CERS6: variants seen among roughly 807,000 people sequenced by gnomAD.
CERS6 encodes the protein ceramide synthase 6, also known as LAG1 homolog, ceramide synthase 6.
A neutral mutation model predicts 56.8 loss-of-function variants in CERS6; 26 were observed. That is an observed-to-expected ratio of 0.46 (90% CI 0.34 to 0.63). The LOEUF (loss-of-function observed/expected upper bound fraction) is 0.63, where lower values mean the gene tolerates loss of function less well. CERS6 is among the 30% of genes least tolerant of loss of function. The probability of loss-of-function intolerance (pLI) is 0.01; values close to 1 mark genes in which losing one functional copy is unlikely to be tolerated. For synonymous variants in CERS6, 164 were observed against 173.3 expected, an observed-to-expected ratio of 0.95 and a Z score of 0.42; for missense variants, 415 against 467.5, an observed-to-expected ratio of 0.89 and a Z score of 1.04.
intron 4 of CERS6, among the ~76,000 whole-genome samples, chr2:168,631,545 T>TTA (rs1559028149): frequency 2.7e-5 from 2 of 73,260 alleles, no homozygotes; most frequent in South Asian, 1.1e-3. Context: ...TTAAATATAT[T>TTA]ATATTTTTAA....
chr2:168,664,837 C>A (rs1468415157), intron 4 of CERS6, among the ~76,000 whole-genome samples: 1 of 152,130 alleles, frequency 6.6e-6, no homozygotes, highest in African/African-American at 2.4e-5. Context: ...ACTTAGAATG[C>A]CTTAACCGTC....
intron 8 of CERS6, among the ~76,000 whole-genome samples, chr2:168,760,732 C>CTGTT (rs202009989): frequency 1.4e-4 from 21 of 146,926 alleles, no homozygotes; most frequent in African/African-American, 3.7e-4. Flanking sequence ...CCTGGGTTTA[C>CTGTT]TGTTTGTTTA....
rs1200437238 is a variant in CERS6, at chr2:168,738,932, C to G, written c.845+20954C>G. On this transcript the variant is annotated intron_variant, in intron 8 of 9. Transcript: ENST00000305747. ...GACAGAGTCTCACTCTGTTGCCAGG[C>G]TGGAGTGCAGCGGCACTATCTCGGC... Among the ~76,000 whole-genome samples, 3 of 151,968 alleles carry G rather than the reference C, an allele frequency of 2.0e-5. No homozygotes were observed. In the East Asian group the frequency reaches 5.8e-4, roughly 29 times the overall value.
At chr2:168,556,500 T>TA (rs1172101990) in intron 2 of CERS6, among the ~76,000 whole-genome samples, 1 of 152,178 alleles carries the variant, frequency 6.6e-6, no homozygotes, top group African/African-American at 2.4e-5. Flanking sequence ...ACTTGCCCCT[T>TA]ACTTTCTATA....
intron 4 of CERS6, among the ~76,000 whole-genome samples, chr2:168,671,245 A>G (rs1052575774): frequency 8.6e-5 from 13 of 152,018 alleles, no homozygotes; most frequent in Admixed American, 7.2e-4. Context: ...GATTACAGAC[A>G]TGAGCCGCTG....
chr2:168,576,480 C>T (rs1051732889), intron 3 of CERS6, among the ~76,000 whole-genome samples: 3 of 152,174 alleles, frequency 2.0e-5, no homozygotes, highest in African/African-American at 7.2e-5. Context: ...GACAAATTCT[C>T]CCCATTATCT....
intron 9 of CERS6, 99 bp from the exon 10 acceptor site, chr2:168,769,411 G>A: frequency 9.3e-7 from 1 of 1,075,988 alleles, no homozygotes; most frequent in Non-Finnish European, 1.3e-6. Flanking sequence ...TTAACATTGG[G>A]ATCTGTTTCC....
intron 2 of CERS6, among the ~76,000 whole-genome samples, chr2:168,549,503 C>T (rs1369429619): frequency 6.6e-6 from 1 of 152,034 alleles, no homozygotes; most frequent in African/African-American, 2.4e-5. Flanking sequence ...GGCGTGGTGG[C>T]GGGTGCCTGT....
chr2:168,647,175 T>C (rs190875884), intron 4 of CERS6, among the ~76,000 whole-genome samples: 1 of 152,306 alleles, frequency 6.6e-6, no homozygotes, highest in East Asian at 1.9e-4. Flanking sequence ...CATAGGGTGT[T>C]TTGTTGTTTG....
At chr2:168,566,987 G>A (rs565745749) in intron 3 of CERS6, among the ~76,000 whole-genome samples, 55 of 152,206 alleles carry the variant, frequency 3.6e-4, no homozygotes, top group African/African-American at 1.3e-3. Context: ...TTGAAGGGGG[G>A]AATAAGAAAC....
At chr2:168,759,766 CTG>C (rs1295214072) in intron 8 of CERS6, among the ~76,000 whole-genome samples, 1 of 152,130 alleles carries the variant, frequency 6.6e-6, no homozygotes, top group Admixed American at 6.5e-5. Context: ...CAGTTTACAA[CTG>C]TTTTTGTGAA....
At chr2:168,754,002 C>T (rs1473432613) in intron 8 of CERS6, among the ~76,000 whole-genome samples, 3 of 152,066 alleles carry the variant, frequency 2.0e-5, no homozygotes, top group East Asian at 1.9e-4. Flanking sequence ...TGGCTTGATG[C>T]GGGGGCGGGG....
chr2:168,523,099 G>A (rs1695010834), intron 1 of CERS6, among the ~76,000 whole-genome samples: 1 of 152,176 alleles, frequency 6.6e-6, no homozygotes, highest in South Asian at 2.1e-4. Flanking sequence ...GAAGCATGTA[G>A]GTCAGTTGTT....
At chr2:168,555,919 T>TG (rs1446270973) in intron 2 of CERS6, among the ~76,000 whole-genome samples, 2 of 152,108 alleles carry the variant, frequency 1.3e-5, no homozygotes, top group Non-Finnish European at 2.9e-5. Context: ...TTTAAAGGTA[T>TG]GAAGGCCTAA....
At chr2:168,647,167 T>C (rs1322897197) in intron 4 of CERS6, among the ~76,000 whole-genome samples, 2 of 152,208 alleles carry the variant, frequency 1.3e-5, no homozygotes, top group Admixed American at 6.5e-5. Context: ...TCCATGAACA[T>C]AGGGTGTTTT....
chr2:168,730,609 A>G (rs552698054), intron 8 of CERS6, among the ~76,000 whole-genome samples: 13 of 152,204 alleles, frequency 8.5e-5, no homozygotes, highest in Non-Finnish European at 1.8e-4. Flanking sequence ...TGGATTTCTC[A>G]TCAGGCTTAC....
intron 4 of CERS6, among the ~76,000 whole-genome samples, chr2:168,640,762 A>G (rs1395976136): frequency 2.0e-5 from 3 of 152,202 alleles, no homozygotes; most frequent in Non-Finnish European, 4.4e-5. Flanking sequence ...CATTAAGGAG[A>G]TGGGACATTT....
Position 168,670,966 on chromosome 2 carries a change from T to TTCCC in CERS6, c.466-20068_466-20067insTCCC, listed in dbSNP as rs1685893976. Among the ~76,000 whole-genome samples, 31 of 30,518 alleles carry TTCCC rather than the reference T, an allele frequency of 1.0e-3. 1 individual carries two copies. The highest frequency in any genetic ancestry group is 2.6e-3 in the Non-Finnish European group (20 of 7,782). 20.0% of individuals were successfully genotyped at this position (30,518 alleles called of 152,430 possible). A position where few individuals can be genotyped will look rare whatever the true frequency, so the allele number is the denominator to read the frequency against. ...ACAGAGCAGGTGCTGGATACATGCT[T>TTCCC]CCCCCCCCCCCCCCAGACGGAAGCT... On this transcript the variant is annotated intron_variant, in intron 4 of 9. Coordinates refer to ENST00000305747, the MANE Select transcript of CERS6 (RefSeq NM_203463.3).
chr2:168,773,677 A>C lies in CERS6; in HGVS notation c.*4015A>C, dbSNP rs753430116. The C allele has an allele frequency of 6.6e-6, 1 of 152,224 alleles. No individual in the cohort carries two copies. Among genetic ancestry groups the C allele is most frequent in the Non-Finnish European group, 1.5e-5 (1 of 68,040 alleles). The allele number at this position is 152,224 out of a possible 1,614,324, so 9.4% of individuals were successfully genotyped here. ...AGCCGCCCTTGAAGAAAACGCAGCA[A>C]AATATTTTAAAATGAAGATATTGCA... On this transcript the variant is annotated 3_prime_UTR_variant, in exon 10 of 10. Transcript: ENST00000305747.
Sources: gnomAD v4.1 joint callset for allele counts (sites outside exome capture counted in the v4.1 genomes callset) on GRCh38, gnomAD v4.1.1 for gene constraint, MANE v1.5 for transcripts, NCBI Gene and HGNC (gene_info 2026-07-23, HGNC 2026-07-21) for gene names.